Variants in DDX6 observed in about 807,000 individuals in gnomAD.
DDX6 encodes DEAD-box helicase 6, also known as probable ATP-dependent RNA helicase DDX6.
DDX6 carries 7 observed loss-of-function variants against 60.6 expected under a neutral mutation model. That is an observed-to-expected ratio of 0.12 (90% CI 0.07 to 0.22). The LOEUF (loss-of-function observed/expected upper bound fraction) is 0.22. Ranked by LOEUF, DDX6 falls within the 10% of genes least tolerant of loss-of-function variation. The pLI is 1.00. For synonymous variants in DDX6, 207 were observed against 201.0 expected (o/e 1.03, Z -0.25); for missense variants, 270 against 589.9 (o/e 0.46, Z 5.62).
At chr11:118,754,935 A>C in intron 12 of DDX6, 48 bp from the exon 13 acceptor site, 2 of 1,506,224 alleles carry the variant, frequency 1.3e-6, no homozygotes, top group Non-Finnish European at 1.8e-6. Context: ...TATGAAAATC[A>C]ATGTGAATTG....
At chr11:118,757,324 A>T in intron 9 of DDX6, 37 bp from the exon 10 acceptor site, 2 of 1,211,310 alleles carry the variant, frequency 1.7e-6, no homozygotes, top group Non-Finnish European at 1.1e-6. Context: ...GAAAAATAAA[A>T]AAAACCTTCA....
intron 12 of DDX6, among the ~76,000 whole-genome samples, 164 bp downstream of exon 12, chr11:118,755,238 G>A (rs1246740674): frequency 6.6e-6 from 1 of 152,152 alleles, no homozygotes; most frequent in Non-Finnish European, 1.5e-5. Context: ...CTTAATAAAT[G>A]CTACAGAAGA....
At chr11:118,775,562 C>T (rs998123414) in intron 4 of DDX6, among the ~76,000 whole-genome samples, 1 of 151,982 alleles carries the variant, frequency 6.6e-6, no homozygotes, top group Non-Finnish European at 1.5e-5. Flanking sequence ...AAAGGCAATA[C>T]AAGTGGTGAC....
At chr11:118,773,405 T>TA (rs58173540) in intron 4 of DDX6, among the ~76,000 whole-genome samples, 32,432 of 151,214 alleles carry the variant, frequency 0.21, 3,689 homozygotes, top group South Asian at 0.32. Context: ...CCGTCTCTAC[T>TA]AAAAAAATAC....
At position 118,749,142 on chromosome 11, in the gene DDX6, GT is replaced by G. The variant is rs1445937347; in HGVS notation, c.*2962del. The G allele has an allele frequency of 6.6e-6, 1 of 152,016 alleles. No homozygotes were observed. Among genetic ancestry groups the G allele is most frequent in the East Asian group, 1.9e-4 (1 of 5,196 alleles). 9.4% of individuals were successfully genotyped at this position (152,016 alleles called of 1,614,324 possible). On this transcript the variant is annotated 3_prime_UTR_variant, in exon 14 of 14. Transcript: ENST00000534980. ...AACATAGGCCTAGAGGTGGTAAGGT[GT>G]GTAACAGTCCATAGCCCATTACACA...
Position 118,758,944 on chromosome 11 carries a change from G to A in DDX6, c.865-42C>T, listed in dbSNP as rs1861071452. 3 of 1,609,658 alleles carry A rather than the reference G, an allele frequency of 1.9e-6. No homozygotes were observed. The African/African-American group carries it at 4.0e-5, about 22-fold the overall frequency. On this transcript the variant is annotated intron_variant, in intron 8 of 13. Coordinates refer to ENST00000534980, the MANE Select transcript of DDX6 (RefSeq NM_004397.6). ...AAAAAGATGAGTCGTCGTCTTAAAT[G>A]AAAGCAGAGTTCATCTCAAATTCAA...
chr11:118,758,482 TCCTG>T (rs1861053251), intron 9 of DDX6, among the ~76,000 whole-genome samples: 1 of 152,146 alleles, frequency 6.6e-6, no homozygotes, highest in Non-Finnish European at 1.5e-5. Flanking sequence ...CAAGCAATTC[TCCTG>T]CCTCGGCCTC....
At chr11:118,769,908 C>G (rs1555162130) in intron 4 of DDX6, among the ~76,000 whole-genome samples, 1 of 152,090 alleles carries the variant, frequency 6.6e-6, no homozygotes, top group Non-Finnish European at 1.5e-5. Flanking sequence ...CGGGGTTTCA[C>G]CGTGTTAGCC....
At chr11:118,780,785 TTTG>T (rs1291373156) in intron 3 of DDX6, among the ~76,000 whole-genome samples, 2 of 152,198 alleles carry the variant, frequency 1.3e-5, no homozygotes, top group Non-Finnish European at 2.9e-5. Context: ...CTACTGACAC[TTTG>T]GGCCACAAAA....
At chr11:118,761,612 AAAAACAAAAC>A (rs142195532) in intron 7 of DDX6, among the ~76,000 whole-genome samples, 35,980 of 151,860 alleles carry the variant, frequency 0.24, 4,372 homozygotes, top group South Asian at 0.37. Flanking sequence ...ACTCTGTCTC[AAAAACAAAAC>A]AAAACAAAAC....
At chr11:118,776,482 T>C (rs1243221820) in intron 4 of DDX6, among the ~76,000 whole-genome samples, 2 of 152,166 alleles carry the variant, frequency 1.3e-5, no homozygotes, top group African/African-American at 2.4e-5. Context: ...ACAGGCACTA[T>C]GCTAAGTACT....
chr11:118,766,047 G>C (rs1257091098), intron 5 of DDX6, among the ~76,000 whole-genome samples: 2 of 148,346 alleles, frequency 1.3e-5, no homozygotes, highest in East Asian at 3.9e-4. Flanking sequence ...CTCCAGTCCA[G>C]GCAACAAGAG....
intron 5 of DDX6, among the ~76,000 whole-genome samples, chr11:118,766,948 T>C (rs1337386045): frequency 6.7e-6 from 1 of 149,906 alleles, no homozygotes; most frequent in African/African-American, 2.5e-5. Flanking sequence ...TGCAGTGACA[T>C]GATCTTGGCT....
intron 9 of DDX6, among the ~76,000 whole-genome samples, chr11:118,758,383 T>TAA (rs1555159436): frequency 9.2e-5 from 14 of 152,170 alleles, no homozygotes; most frequent in South Asian, 6.2e-4. Context: ...CTTTTTTTTT[T>TAA]TCTTCCCAAG....
rs558924181 is a variant in DDX6 at position 118,758,640 on chromosome 11, G to A, written c.993+134C>T. The A allele has an allele frequency of 3.9e-6, 4 of 1,020,224 alleles. No homozygotes were observed. In the South Asian group the frequency reaches 7.1e-5, roughly 18 times the overall value. The allele number at this position is 1,020,224 out of a possible 1,614,324, so 63.2% of individuals were successfully genotyped here. ...CCTGCCTCAGCCTCCAAAGTGCTGGGAGGCATGAGCCACCGTGCCAAGCCA... is the reference window on the plus strand; with the variant it reads ...CCTGCCTCAGCCTCCAAAGTGCTGGAAGGCATGAGCCACCGTGCCAAGCCA... On this transcript the variant is annotated intron_variant, in intron 9 of 13. Transcript: ENST00000534980.
chr11:118,771,030 TCA>T (rs1555162442), intron 4 of DDX6, among the ~76,000 whole-genome samples: 1 of 152,220 alleles, frequency 6.6e-6, no homozygotes, highest in African/African-American at 2.4e-5. Context: ...TCTTCCCTCA[TCA>T]CAGATAAGTG....
rs1241834385 is a variant in DDX6, at chr11:118,786,094, T to G, written c.158A>C (p.Asn53Thr). The G allele has an allele frequency of 6.2e-7, 1 of 1,613,840 alleles. No individual in the cohort carries two copies. Among genetic ancestry groups the G allele is most frequent in the Admixed American group, 1.7e-5 (1 of 59,988 alleles). The change falls in exon 2 of 14, where the codon AAT becomes ACT. Residue 53 changes from asparagine to threonine, a missense_variant. Physicochemically the swap from Asn to Thr is moderately conservative, Grantham distance 65. Transcript: ENST00000534980. Reference protein sequence around the residue: ...NQLKNTNTINNGTQQQAQSMT... With the variant: ...NQLKNTNTINTGTQQQAQSMT... Reference sequence around the variant, plus strand: ...ACTCTGTGCTTGCTGCTGAGTGCCATTATTGATTGTGTTGGTGTTTTTCAG... The same window carrying G: ...ACTCTGTGCTTGCTGCTGAGTGCCAGTATTGATTGTGTTGGTGTTTTTCAG...
At chr11:118,789,227 C>T (rs571861160) in intron 1 of DDX6, 1 of 152,128 alleles carries the variant, frequency 6.6e-6, no homozygotes, top group South Asian at 2.1e-4. Context: ...AGGCGCCTGC[C>T]ACCACGCGCA....
At chr11:118,760,158 C>T in intron 7 of DDX6, 114 bp from the exon 8 acceptor site, 1 of 1,014,068 alleles carries the variant, frequency 9.9e-7, no homozygotes, top group South Asian at 1.8e-5. Context: ...TGAAATGTTC[C>T]TGGTGGAAAA....
Sources: gnomAD v4.1 joint callset for allele counts (sites outside exome capture counted in the v4.1 genomes callset) on GRCh38, gnomAD v4.1.1 for gene constraint, MANE v1.5 for transcripts, NCBI Gene and HGNC (gene_info 2026-07-23, HGNC 2026-07-21) for gene names.